Variants in CCDC81 observed in about 807,000 individuals in gnomAD.
The protein encoded by CCDC81 is coiled-coil domain containing 81.
In CCDC81, 79 loss-of-function variants were observed where a neutral mutation model predicts 83.7. The ratio of observed to expected loss-of-function variants is 0.94; its 90% CI spans 0.79 to 1.14. CCDC81 has a LOEUF of 1.14. Ranked by LOEUF, CCDC81 falls within the 50% of genes most tolerant of loss-of-function variation. The pLI, the probability that CCDC81 is intolerant of heterozygous loss-of-function variation, is 0.00. For synonymous variants in CCDC81, 252 were observed against 278.1 expected, an observed-to-expected ratio of 0.91 and a Z score of 0.93; for missense variants, 791 against 778.1, an observed-to-expected ratio of 1.02 and a Z score of -0.20.
chr11:86,391,060 A>G lies in CCDC81; in HGVS notation c.299-1481A>G, dbSNP rs151115160. Among the ~76,000 whole-genome samples, 1,517 of 152,336 alleles carry G rather than the reference A, an allele frequency of 1.0e-2. 10 individuals are homozygous for G. The highest frequency in any genetic ancestry group is 0.017 in the Middle Eastern group (5 of 294). On this transcript the variant is annotated intron_variant, in intron 3 of 14. Transcript: ENST00000445632. ...GGAGGGAAGCCAGCAAAGGGGGCCAAGGAGTCAAACTATCCATTGACTTGA... is the reference window on the plus strand; with the variant it reads ...GGAGGGAAGCCAGCAAAGGGGGCCAGGGAGTCAAACTATCCATTGACTTGA...
Position 86,390,261 on chromosome 11 carries a change from C to T in CCDC81, c.299-2280C>T, listed in dbSNP as rs905419928. Among the ~76,000 whole-genome samples, 6 of 152,274 alleles carry T rather than the reference C, an allele frequency of 3.9e-5. No individual in the cohort carries two copies. In the South Asian group the frequency reaches 6.2e-4, roughly 16 times the overall value. On this transcript the variant is annotated intron_variant, in intron 3 of 14. Coordinates refer to ENST00000445632, the MANE Select transcript of CCDC81 (RefSeq NM_001156474.2). Reference sequence around the variant, plus strand: ...AGAGGTCTTAAAGGATGATAGGACTCTGTGAGCAGAGAATCTGTTGGAAGA... The same window carrying T: ...AGAGGTCTTAAAGGATGATAGGACTTTGTGAGCAGAGAATCTGTTGGAAGA...
At chr11:86,381,189 G>A (rs1948172421) in intron 1 of CCDC81, among the ~76,000 whole-genome samples, 1 of 152,270 alleles carries the variant, frequency 6.6e-6, no homozygotes, top group Admixed American at 6.5e-5. Flanking sequence ...CCTTAGGTGG[G>A]ACAGAATGGC....
Position 86,400,726 on chromosome 11 carries a change from C to T in CCDC81, c.806C>T (p.Ala269Val). ...CGAGATAGACAAGCTTTGTTCCCTG[C>T]CAAAGTGACAAATGTCAGCTTGCTG... ...RLRDRQALFP[A>V]KVTNVSLLEK... The change falls in exon 7 of 15, where the codon GCC becomes GTC. Residue 269 changes from alanine (A) to valine (V), a missense_variant. Transcript: ENST00000445632. The T allele has an allele frequency of 6.2e-7, 1 of 1,612,874 alleles. No individual in the cohort carries two copies. The highest frequency in any genetic ancestry group is 8.5e-7 in the Non-Finnish European group (1 of 1,179,112).
intron 14 of CCDC81, among the ~76,000 whole-genome samples, 200 bp from the exon 15 acceptor site, chr11:86,422,374 T>C (rs1452134): frequency 0.44 from 66,479 of 151,992 alleles, 14,917 homozygotes; most frequent in South Asian, 0.56. Flanking sequence ...GCACAAGTCG[T>C]GGCTTTTTAT....
chr11:86,399,479 C>A (rs11828283), intron 6 of CCDC81, among the ~76,000 whole-genome samples: 13,287 of 152,030 alleles, frequency 0.087, 1,113 homozygotes, highest in African/African-American at 0.22. Flanking sequence ...CCATGCCTGG[C>A]TAATTTTTGT....
chr11:86,402,484 T>C (rs1565765584), intron 7 of CCDC81, among the ~76,000 whole-genome samples: 1 of 152,242 alleles, frequency 6.6e-6, no homozygotes, highest in Non-Finnish European at 1.5e-5. Flanking sequence ...AATGAAAGGT[T>C]AAACCTTTTG....
chr11:86,397,656 T>C lies in CCDC81; in HGVS notation c.671T>C (p.Met224Thr). 6.2e-7 allele frequency: 1 copy of C among 1,613,664 alleles called. No individual in the cohort carries two copies. The highest frequency in any genetic ancestry group is 8.5e-7 in the Non-Finnish European group (1 of 1,179,784). Residue 224 changes from methionine to threonine, a missense_variant, in exon 6 of 15, where the codon ATG (methionine) becomes ACG (threonine). Physicochemically the swap from Met to Thr is moderately conservative, Grantham distance 81. Coordinates refer to ENST00000445632, the MANE Select transcript of CCDC81 (RefSeq NM_001156474.2). Reference protein sequence around the residue: ...ELKEMENKLPMETLVEECGEN... With the variant: ...ELKEMENKLPTETLVEECGEN... ...AAGGAGATGGAAAACAAACTGCCTATGGAGACCCTTGTAGAAGAATGTGGA... is the reference window on the plus strand; with the variant it reads ...AAGGAGATGGAAAACAAACTGCCTACGGAGACCCTTGTAGAAGAATGTGGA...
At chr11:86,377,246 G>C (rs962704779) in intron 1 of CCDC81, among the ~76,000 whole-genome samples, 1 of 151,790 alleles carries the variant, frequency 6.6e-6, no homozygotes, top group Non-Finnish European at 1.5e-5. Flanking sequence ...TATGAATAAA[G>C]CTGTTTTAAA....
chr11:86,375,070 G>C lies in CCDC81; in HGVS notation c.-94G>C, dbSNP rs1465021951. ...CACATCCAAAGCTCCGTGGAGAAGG[G>C]GCTGGAGGGTGGGAAAATTATTTTT... On this transcript the variant is annotated 5_prime_UTR_variant, in exon 1 of 15. Coordinates refer to ENST00000445632, the MANE Select transcript of CCDC81 (RefSeq NM_001156474.2). The C allele has an allele frequency of 1.9e-6, 2 of 1,079,352 alleles. No individual in the cohort carries two copies. Among genetic ancestry groups the C allele is most frequent in the Non-Finnish European group, 2.9e-6 (2 of 696,210 alleles). The allele number at this position is 1,079,352 out of a possible 1,614,324, so 66.9% of individuals were successfully genotyped here. A position where few individuals can be genotyped will look rare whatever the true frequency, so the allele number is the denominator to read the frequency against.
Position 86,386,045 on chromosome 11 carries a change from T to C in CCDC81, c.80-6T>C, listed in dbSNP as rs545760960. 6.0e-6 allele frequency: 9 copies of C among 1,503,074 alleles called. No individual in the cohort carries two copies. The East Asian group carries it at 7.3e-5, about 12-fold the overall frequency. 93.1% of individuals were successfully genotyped at this position (1,503,074 alleles called of 1,614,324 possible). On this transcript the variant is annotated splice_region_variant and splice_polypyrimidine_tract_variant and intron_variant, in intron 1 of 14. Transcript: ENST00000445632. ...TGAATAATTTCTGGTTACTTTTGAA[T>C]TTCAGAAGTCTCTATTATCTGGGGG...
intron 1 of CCDC81, among the ~76,000 whole-genome samples, chr11:86,378,718 G>A (rs1460987674): frequency 2.6e-5 from 4 of 152,124 alleles, no homozygotes; most frequent in Admixed American, 2.0e-4. Context: ...CTATTATTAT[G>A]TAATGCTCTT....
At chr11:86,386,482 C>T (rs1415074668) in intron 2 of CCDC81, among the ~76,000 whole-genome samples, 1 of 152,244 alleles carries the variant, frequency 6.6e-6, no homozygotes, top group East Asian at 1.9e-4. Flanking sequence ...TGTCTTGCCT[C>T]CTTGCAGGGA....
At chr11:86,391,025 A>G (rs1948321667) in intron 3 of CCDC81, among the ~76,000 whole-genome samples, 1 of 152,156 alleles carries the variant, frequency 6.6e-6, no homozygotes, top group South Asian at 2.1e-4. Context: ...ATCTTATAAG[A>G]AGTAGAAGAG....
chr11:86,396,859 A>AT (rs925992684), intron 5 of CCDC81, among the ~76,000 whole-genome samples: 9 of 152,178 alleles, frequency 5.9e-5, no homozygotes, highest in Non-Finnish European at 1.3e-4. Context: ...TCCCTTTGAC[A>AT]TATTTTGGCT....
At chr11:86,396,999 G>C (rs926073632) in intron 5 of CCDC81, among the ~76,000 whole-genome samples, 1 of 152,106 alleles carries the variant, frequency 6.6e-6, no homozygotes, top group African/African-American at 2.4e-5. Context: ...TTATTTATGT[G>C]ACATTTGGCC....
At chr11:86,414,176 T>C (rs1472813106) in intron 11 of CCDC81, 2 of 152,164 alleles carry the variant, frequency 1.3e-5, no homozygotes, top group African/African-American at 4.8e-5. Flanking sequence ...TTAAAAGAAC[T>C]GGTGGGTGTG....
At chr11:86,394,851 G>T (rs1022346214) in intron 4 of CCDC81, among the ~76,000 whole-genome samples, 5 of 152,202 alleles carry the variant, frequency 3.3e-5, no homozygotes, top group Non-Finnish European at 5.9e-5. Context: ...TCATGGAAGT[G>T]CTATTAGATC....
rs149767064 is a variant in CCDC81, at chr11:86,391,353, C to T, written c.299-1188C>T. On this transcript the variant is annotated intron_variant, in intron 3 of 14. Transcript: ENST00000445632. ...GACATTTGAAAGGATATAACTCATG[C>T]TTACTGAGTGAATGTTTAGAATATT... is the stretch of plus-strand genomic sequence containing the variant. 1.0e-2 allele frequency among the ~76,000 whole-genome samples: 1,519 copies of T among 152,308 alleles called. 10 individuals carry two copies. The highest frequency in any genetic ancestry group is 0.017 in the Middle Eastern group (5 of 294).
chr11:86,382,677 G>A (rs987449128), intron 1 of CCDC81, among the ~76,000 whole-genome samples: 2 of 152,110 alleles, frequency 1.3e-5, no homozygotes, highest in African/African-American at 4.8e-5. Flanking sequence ...CTGCTGAAGT[G>A]GAGAGTATAG....
Sources: gnomAD v4.1 joint callset for allele counts (sites outside exome capture counted in the v4.1 genomes callset) on GRCh38, gnomAD v4.1.1 for gene constraint, MANE v1.5 for transcripts, NCBI Gene and HGNC (gene_info 2026-07-23, HGNC 2026-07-21) for gene names.